HOXA10: variants seen among roughly 807,000 people sequenced by gnomAD.
HOXA10 encodes the protein homeobox A10, also known as homeobox protein Hox-A10.
In HOXA10, 12 loss-of-function variants were observed where a neutral mutation model predicts 29.7. The ratio of observed to expected loss-of-function variants is 0.40; its 90% confidence interval spans 0.26 to 0.65. The LOEUF (loss-of-function observed/expected upper bound fraction) is 0.65. Ranked by LOEUF, HOXA10 falls within the 30% of genes least tolerant of loss-of-function variation. The pLI is 0.37. For synonymous variants in HOXA10, 327 were observed against 280.7 expected, an observed-to-expected ratio of 1.16 and a Z score of -1.65; for missense variants, 656 against 585.9, an observed-to-expected ratio of 1.12 and a Z score of -1.24.
In HOXA10 at chr7:27,171,815, G is replaced by A. The variant is rs778595414; in HGVS notation, c.*84C>T. The stretch of plus-strand genomic sequence containing the variant: ...AGGGAGGAACAGGGCTCCAGCACAG[G>A]TGCGAGTTCCTGGGCAGAGCCTGAA... On this transcript the variant is annotated 3_prime_UTR_variant, in exon 2 of 2. Transcript: ENST00000283921. The A allele has an allele frequency of 3.6e-6, 5 of 1,388,296 alleles. No individual in the cohort carries two copies. The South Asian group carries it at 5.8e-5, about 16-fold the overall frequency. 86.0% of individuals were successfully genotyped at this position (1,388,296 alleles called of 1,614,324 possible). A position where few individuals can be genotyped will look rare whatever the true frequency, so the allele number is the denominator to read the frequency against.
chr7:27,174,220 A>T lies in HOXA10; in HGVS notation c.87T>A (p.Phe29Leu). 1 of 1,601,400 alleles carries T rather than the reference A, an allele frequency of 6.2e-7. No homozygotes were observed. Among genetic ancestry groups the T allele is most frequent in the African/African-American group, 1.3e-5 (1 of 75,022 alleles). The change falls in exon 1 of 2, where the codon TTT becomes TTA. Residue 29 changes from phenylalanine (F) to leucine (L), a missense_variant. Phe to Leu is a conservative substitution (Grantham distance 22). Transcript: ENST00000283921. ...CCGAGCTGATGAGCGAGTCGACCAA[A>T]AAAGAGTTCGCGGCGGGGCTCTCCG... ...SCSESPAANSFLVDSLISSGR... is the reference protein window; with the variant it reads ...SCSESPAANSLLVDSLISSGR...
At position 27,174,051 on chromosome 7, in the gene HOXA10, C is replaced by T; in HGVS notation, c.256G>A (p.Gly86Ser). 6.5e-7 allele frequency: 1 copy of T among 1,543,238 alleles called. No homozygotes were observed. The highest frequency in any genetic ancestry group is 8.7e-7 in the Non-Finnish European group (1 of 1,151,120). Reference protein sequence around the residue: ...QSCGLFPTLGGKRNEAASPGS... With the variant: ...QSCGLFPTLGSKRNEAASPGS... ...GGCGACGCTGCCTCATTGCGCTTGC[C>T]GCCCAGCGTGGGGAAGAGCCCGCAG... Residue 86 changes from glycine to serine, a missense_variant, in exon 1 of 2, where the codon GGC (glycine) becomes AGC (serine). Coordinates refer to ENST00000283921, the MANE Select transcript of HOXA10 (RefSeq NM_018951.4).
upstream of HOXA10, among the ~76,000 whole-genome samples, chr7:27,175,701 C>T (rs1583435840): frequency 6.6e-6 from 1 of 152,208 alleles, no homozygotes; most frequent in Admixed American, 6.5e-5. Flanking sequence ...TGCCTTGCCC[C>T]TGGCCCGTGG....
chr7:27,179,310 C>CT (rs10634973), upstream of HOXA10, among the ~76,000 whole-genome samples: 2,324 of 141,580 alleles, frequency 0.016, 50 homozygotes, highest in African/African-American at 0.033. Flanking sequence ...CCGCGATCAC[C>CT]TTTTTTTTTT....
In HOXA10 at chr7:27,171,867, G is replaced by A. The variant is rs1054719781; in HGVS notation, c.*32C>T. 3.7e-6 allele frequency: 6 copies of A among 1,612,866 alleles called. No individual in the cohort carries two copies. The highest frequency in any genetic ancestry group is 3.3e-5 in the Admixed American group (2 of 60,020). The stretch of plus-strand genomic sequence containing the variant: ...ACAGAGGGAGGGGACCAGCGCTCGG[G>A]AAGTGAAAAAACCGCGTCGCCTGGA... On this transcript the variant is annotated 3_prime_UTR_variant, in exon 2 of 2. Transcript: ENST00000283921.
chr7:27,171,734 G>C lies in HOXA10; in HGVS notation c.*165C>G, dbSNP rs527399102. ...CCAAGCAAACACAAAGAAACAAAAA[G>C]TCAGAACAAACCAGCCCTGCACAGA... On this transcript the variant is annotated 3_prime_UTR_variant, in exon 2 of 2. Transcript: ENST00000283921. The C allele has an allele frequency of 1.5e-5, 12 of 795,564 alleles. No homozygotes were observed. Among genetic ancestry groups the C allele is most frequent in the Non-Finnish European group, 2.7e-5 (12 of 443,662 alleles). 49.3% of individuals were successfully genotyped at this position (795,564 alleles called of 1,614,324 possible).
At chr7:27,176,622 C>G (rs1320946495), upstream of HOXA10, among the ~76,000 whole-genome samples, 1 of 152,214 alleles carries the variant, frequency 6.6e-6, no homozygotes, top group Non-Finnish European at 1.5e-5. Context: ...CCAAGACCTT[C>G]GAGGTTTCCT....
chr7:27,175,296 C>G (rs1362651579), upstream of HOXA10: 1 of 152,304 alleles, frequency 6.6e-6, no homozygotes, highest in Non-Finnish European at 1.5e-5. Context: ...TGTACACCTC[C>G]GCTGCTTTAT....
exon 1 of HOXA10, chr7:27,179,845 A>T (rs1382249522): frequency 1.4e-6 from 1 of 694,890 alleles, no homozygotes; most frequent in East Asian, 2.7e-5. Flanking sequence ...AAGCGAACAA[A>T]GGCCAAGAAT....
chr7:27,176,993 C>A (rs1356450742), upstream of HOXA10, among the ~76,000 whole-genome samples: 1 of 152,208 alleles, frequency 6.6e-6, no homozygotes, highest in Admixed American at 6.5e-5. Context: ...GGGGGCCCTG[C>A]CAATTTGGCT....
In HOXA10 at chr7:27,173,556, C is replaced by A. The variant is rs1415979018; in HGVS notation, c.751G>T (p.Asp251Tyr). The A allele has an allele frequency of 6.9e-7, 1 of 1,458,122 alleles. No homozygotes were observed. Among genetic ancestry groups the A allele is most frequent in the Admixed American group, 2.8e-5 (1 of 35,980 alleles). 90.3% of individuals were successfully genotyped at this position (1,458,122 alleles called of 1,614,324 possible). ...FPAQPPGRGF[D>Y]LPPALASGSA... ...CCGGAGGCTAGCGCGGGCGGGAGAT[C>A]GAAACCGCGCCCCGGGGGCTGCGCG... is the stretch of plus-strand genomic sequence containing the variant. The change falls in exon 1 of 2, where the codon GAT (aspartate) becomes TAT (tyrosine). Residue 251 changes from aspartate (D) to tyrosine (Y), a missense_variant. By Grantham distance (160) the Asp-to-Tyr change is radical. Coordinates refer to ENST00000283921, the MANE Select transcript of HOXA10 (RefSeq NM_018951.4).
chr7:27,174,217 C>CA lies in HOXA10; in HGVS notation c.89dup (p.Leu30PhefsTer61). On this transcript the variant is annotated frameshift_variant, in exon 1 of 2. Coordinates refer to ENST00000283921, the MANE Select transcript of HOXA10 (RefSeq NM_018951.4). LOFTEE classifies it high-confidence loss of function. ...TGCCCGAGCTGATGAGCGAGTCGAC[C>CA]AAAAAAGAGTTCGCGGCGGGGCTCT... The CA allele has an allele frequency of 6.2e-7, 1 of 1,601,348 alleles. No individual in the cohort carries two copies. The highest frequency in any genetic ancestry group is 8.5e-7 in the Non-Finnish European group (1 of 1,179,800).
At chr7:27,178,859 A>G (rs375041106), upstream of HOXA10, among the ~76,000 whole-genome samples, 21 of 152,260 alleles carry the variant, frequency 1.4e-4, no homozygotes, top group Non-Finnish European at 2.5e-4. Context: ...TCAAAATGTA[A>G]TGGAATTTTT....
In HOXA10 at chr7:27,171,734, G is replaced by T; in HGVS notation, c.*165C>A. On this transcript the variant is annotated 3_prime_UTR_variant, in exon 2 of 2. Coordinates refer to ENST00000283921, the MANE Select transcript of HOXA10 (RefSeq NM_018951.4). ...CCAAGCAAACACAAAGAAACAAAAA[G>T]TCAGAACAAACCAGCCCTGCACAGA... The T allele has an allele frequency of 1.3e-6, 1 of 795,682 alleles. No individual in the cohort carries two copies. The highest frequency in any genetic ancestry group is 2.3e-6 in the Non-Finnish European group (1 of 443,654). 49.3% of individuals were successfully genotyped at this position (795,682 alleles called of 1,614,324 possible). A position where few individuals can be genotyped will look rare whatever the true frequency, so the allele number is the denominator to read the frequency against.
Position 27,173,654 on chromosome 7 carries a change from T to C in HOXA10, c.653A>G (p.Gln218Arg), listed in dbSNP as rs1437114239. 1.9e-6 allele frequency: 3 copies of C among 1,547,898 alleles called. No homozygotes were observed. Among genetic ancestry groups the C allele is most frequent in the Admixed American group, 3.9e-5 (2 of 50,998 alleles). ...ATAGCCCTTGGCGGTGCCGTAGGCC[T>C]GAGAAAGGCGGAAGTAGCCAGGCAC... is the stretch of plus-strand genomic sequence containing the variant. Reference protein sequence around the residue: ...VPVPGYFRLSQAYGTAKGYGS... With the variant: ...VPVPGYFRLSRAYGTAKGYGS... The change falls in exon 1 of 2, where the codon CAG becomes CGG. Residue 218 changes from glutamine (Q) to arginine (R), a missense_variant. This residue lies in a region of HOXA10 where 594 missense variants were observed against 491.9 expected (regional missense o/e 1.21). Coordinates refer to ENST00000283921, the MANE Select transcript of HOXA10 (RefSeq NM_018951.4).
upstream of HOXA10, chr7:27,174,957 G>A (rs1185476280): frequency 6.5e-6 from 1 of 153,026 alleles, no homozygotes; most frequent in Non-Finnish European, 1.5e-5. Context: ...TGCAGTGGTT[G>A]TTCCCTAGCC....
exon 1 of HOXA10, chr7:27,179,704 T>C: frequency 2.6e-6 from 2 of 772,756 alleles, no homozygotes; most frequent in Non-Finnish European, 4.8e-6. Context: ...GCGGCGACGC[T>C]CGCGAGGCCT....
chr7:27,173,609 G>GCGC lies in HOXA10; in HGVS notation c.695_697dup (p.Gly232dup), dbSNP rs751780760. Reference sequence around the variant, plus strand: ...GAACGGGCCAGCCCCGAGTTGCTGCGCGCCGCCGCCGCCGCTGCCATAGCC... The same window carrying GCGC: ...GAACGGGCCAGCCCCGAGTTGCTGCGCGCCGCCGCCGCCGCCGCTGCCATAGCC... On this transcript the variant is annotated inframe_insertion, in exon 1 of 2. Coordinates refer to ENST00000283921, the MANE Select transcript of HOXA10 (RefSeq NM_018951.4). 5.9e-6 allele frequency: 9 copies of GCGC among 1,531,584 alleles called. No individual in the cohort carries two copies. Among genetic ancestry groups the GCGC allele is most frequent in the South Asian group, 1.2e-5 (1 of 82,300 alleles). The allele number at this position is 1,531,584 out of a possible 1,614,324, so 94.9% of individuals were successfully genotyped here. A position where few individuals can be genotyped will look rare whatever the true frequency, so the allele number is the denominator to read the frequency against.
At chr7:27,179,591 C>G in intron 1 of HOXA10, 1 of 763,468 alleles carries the variant, frequency 1.3e-6, no homozygotes. Flanking sequence ...AGACATCGGC[C>G]ACCTCCCCAC....
Sources: gnomAD v4.1 joint callset for allele counts (sites outside exome capture counted in the v4.1 genomes callset) on GRCh38, gnomAD v4.1.1 for gene constraint, gnomAD v4.1.1 regional missense constraint, MANE v1.5 for transcripts, NCBI Gene and HGNC (gene_info 2026-07-23, HGNC 2026-07-21) for gene names.